Variants in SLC12A8 observed in about 807,000 individuals in gnomAD.
SLC12A8 encodes the protein solute carrier family 12 member 8.
SLC12A8 carries 69 observed loss-of-function variants against 75.6 expected under a neutral mutation model. That is an observed-to-expected ratio of 0.91 (90% CI 0.75 to 1.11). The LOEUF (loss-of-function observed/expected upper bound fraction) is 1.11, where lower values mean the gene tolerates loss of function less well. Among genes scored for constraint, SLC12A8 ranks in the 50% most tolerant of loss-of-function variants. The pLI, the probability that SLC12A8 is intolerant of heterozygous loss-of-function variation, is 0.00. For missense variants in SLC12A8, 877 were observed against 896.7 expected (o/e 0.98, Z 0.28); for synonymous variants, 365 against 372.8 (o/e 0.98, Z 0.24).
intron 13 of SLC12A8, among the ~76,000 whole-genome samples, chr3:125,085,956 G>C (rs1041380753): frequency 6.6e-6 from 1 of 150,742 alleles, no homozygotes; most frequent in East Asian, 1.9e-4. Context: ...TCAGACTGGA[G>C]CGCAATGGTG....
rs138199257 is a variant in SLC12A8 at position 125,150,773 on chromosome 3, G to A, written c.623-14991C>T. Among the ~76,000 whole-genome samples the A allele has an allele frequency of 4.2e-3, 640 of 152,236 alleles. 10 individuals carry two copies. Among genetic ancestry groups the A allele is most frequent in the Admixed American group, 0.029 (450 of 15,308 alleles). ...ACCGCAAGACGAGGTTTGGACTACT[G>A]CATCAAAAAGGCTACCTTTACAGGG... is the stretch of plus-strand genomic sequence containing the variant. On this transcript the variant is annotated intron_variant, in intron 5 of 13. Transcript: ENST00000469902.
chr3:125,177,604 G>A, intron 5 of SLC12A8, 139 bp downstream of exon 5: 1 of 659,954 alleles, frequency 1.5e-6, no homozygotes, highest in Non-Finnish European at 2.6e-6. Context: ...CTGCTCACCT[G>A]ATCCAGGAAC....
chr3:125,189,397 C>T (rs1403313416), intron 3 of SLC12A8, among the ~76,000 whole-genome samples: 1 of 152,196 alleles, frequency 6.6e-6, no homozygotes, highest in East Asian at 1.9e-4. Flanking sequence ...CTCTTTCACC[C>T]ATCTAGTCCA....
intron 4 of SLC12A8, among the ~76,000 whole-genome samples, chr3:125,183,965 T>TTTA (rs59595900): frequency 0.19 from 29,177 of 150,660 alleles, 3,115 homozygotes; most frequent in African/African-American, 0.29. Context: ...TGTTTTACTT[T>TTTA]TTATTATTAT....
intron 8 of SLC12A8, among the ~76,000 whole-genome samples, chr3:125,112,704 G>C (rs939035924): frequency 6.6e-6 from 1 of 152,140 alleles, no homozygotes; most frequent in East Asian, 1.9e-4. Context: ...ACCAAATGCA[G>C]CCTATGTTGA....
chr3:125,097,889 AACTTT>A (rs1193466151), intron 10 of SLC12A8, among the ~76,000 whole-genome samples: 3 of 152,126 alleles, frequency 2.0e-5, no homozygotes, highest in African/African-American at 7.2e-5. Context: ...CTAGGCAGGT[AACTTT>A]ACTTTATCAA....
At chr3:125,118,742 C>T (rs1278318245) in intron 8 of SLC12A8, 27 bp downstream of exon 8, 13 of 1,575,056 alleles carry the variant, frequency 8.3e-6, no homozygotes, top group Middle Eastern at 3.4e-4. Context: ...CAGACTGAGC[C>T]CTTGGAGTAG....
At position 125,111,076 on chromosome 3, in the gene SLC12A8, C is replaced by T. The variant is rs115301299; in HGVS notation, c.913-741G>A. 5.5e-3 allele frequency among the ~76,000 whole-genome samples: 840 copies of T among 152,342 alleles called. 5 individuals carry two copies. The highest frequency in any genetic ancestry group is 0.018 in the African/African-American group (751 of 41,582). On this transcript the variant is annotated intron_variant, in intron 8 of 13. Coordinates refer to ENST00000469902, the MANE Select transcript of SLC12A8 (RefSeq NM_024628.6). Reference sequence around the variant, plus strand: ...GAGGCCATCCCCTCTTCCCTGACTACAGTAGTTGCTTCTCAGTGCTCCATA... The same window carrying T: ...GAGGCCATCCCCTCTTCCCTGACTATAGTAGTTGCTTCTCAGTGCTCCATA...
chr3:125,179,128 T>C (rs73859141), intron 4 of SLC12A8, among the ~76,000 whole-genome samples: 2,904 of 152,248 alleles, frequency 0.019, 87 homozygotes, highest in African/African-American at 0.065. Context: ...CCCTTGCCAT[T>C]CTCTGGGAAC....
intron 5 of SLC12A8, among the ~76,000 whole-genome samples, chr3:125,148,700 T>A (rs894262844): frequency 6.6e-6 from 1 of 152,128 alleles, no homozygotes; most frequent in Admixed American, 6.5e-5. Flanking sequence ...GCATGCCCAC[T>A]GTCAGCCCAG....
At chr3:125,095,456 TCCAA>T (rs1188486759) in intron 10 of SLC12A8, among the ~76,000 whole-genome samples, 1 of 152,218 alleles carries the variant, frequency 6.6e-6, no homozygotes, top group African/African-American at 2.4e-5. Context: ...CCCATCCTAG[TCCAA>T]CCCACTTTCA....
intron 10 of SLC12A8, among the ~76,000 whole-genome samples, chr3:125,097,051 C>T (rs564901880): frequency 5.9e-5 from 9 of 152,120 alleles, no homozygotes; most frequent in Non-Finnish European, 8.8e-5. Flanking sequence ...TAATGGCAAA[C>T]ATAGGCTTAG....
At chr3:125,187,084 C>T (rs918233564) in intron 4 of SLC12A8, among the ~76,000 whole-genome samples, 153 bp downstream of exon 4, 1 of 152,216 alleles carries the variant, frequency 6.6e-6, no homozygotes, top group South Asian at 2.1e-4. Flanking sequence ...TGACTTGACT[C>T]TCTGCTGAAT....
At chr3:125,130,985 G>A (rs1320256053) in intron 6 of SLC12A8, among the ~76,000 whole-genome samples, 3 of 152,192 alleles carry the variant, frequency 2.0e-5, no homozygotes, top group African/African-American at 7.2e-5. Context: ...CTTGGCCCAG[G>A]GGTCTTCACT....
At chr3:125,211,232 G>A in intron 2 of SLC12A8, 67 bp downstream of exon 2, 1 of 1,305,324 alleles carries the variant, frequency 7.7e-7, no homozygotes, top group African/African-American at 1.4e-5. Context: ...TTTGCATCCA[G>A]CCCACTGTCT....
intron 8 of SLC12A8, among the ~76,000 whole-genome samples, chr3:125,116,657 A>G (rs553341325): frequency 2.0e-5 from 3 of 152,302 alleles, no homozygotes; most frequent in Admixed American, 6.5e-5. Context: ...CTTGAAAAAC[A>G]GGGGAAGGAG....
chr3:125,148,968 GC>G (rs1479966798), intron 5 of SLC12A8, among the ~76,000 whole-genome samples: 1 of 143,084 alleles, frequency 7.0e-6, no homozygotes, highest in African/African-American at 2.8e-5. Context: ...CAAACCAGCA[GC>G]GGGGGGGCAC....
chr3:125,187,131 C>A (rs576163486), intron 4 of SLC12A8, 106 bp downstream of exon 4: 3 of 1,123,968 alleles, frequency 2.7e-6, no homozygotes, highest in East Asian at 2.4e-5. Flanking sequence ...CTGTCACATG[C>A]GGCAATTGTC....
chr3:125,143,650 C>T (rs879387700), intron 5 of SLC12A8, among the ~76,000 whole-genome samples: 5 of 152,236 alleles, frequency 3.3e-5, no homozygotes, highest in Admixed American at 2.0e-4. Context: ...GAGTCCCGCC[C>T]AGCCTGCCTA....
Sources: gnomAD v4.1 joint callset for allele counts (sites outside exome capture counted in the v4.1 genomes callset) on GRCh38, gnomAD v4.1.1 for gene constraint, MANE v1.5 for transcripts, NCBI Gene and HGNC (gene_info 2026-07-23, HGNC 2026-07-21) for gene names.